Variants in CLASP2 observed in about 807,000 individuals in gnomAD.
CLASP2 encodes cytoplasmic linker associated protein 2, also known as CLIP-associating protein 2.
In CLASP2, 47 loss-of-function variants were observed where a neutral mutation model predicts 194.4. The observed-to-expected ratio is 0.24, with a 90% confidence interval of 0.19 to 0.31. The LOEUF is 0.31. Among genes scored for constraint, CLASP2 ranks in the 10% least tolerant of loss-of-function variants. The pLI is 1.00. For missense variants in CLASP2, 1,445 were observed against 1,823.6 expected (o/e 0.79, Z 3.78); for synonymous variants, 619 against 633.5 (o/e 0.98, Z 0.34).
rs1324926482 is a variant in CLASP2 at position 33,675,989 on chromosome 3, G to A, written c.644+8370C>T. Among the ~76,000 whole-genome samples, 37 of 151,208 alleles carry A rather than the reference G, an allele frequency of 2.4e-4. No homozygotes were observed. In the South Asian group the frequency reaches 5.7e-3, roughly 23 times the overall value. ...CTCATGGGTAGGAAGAATCAATATCGTGAAAATGGCCATACTGCCCAAGGT... is the reference window on the plus strand; with the variant it reads ...CTCATGGGTAGGAAGAATCAATATCATGAAAATGGCCATACTGCCCAAGGT... On this transcript the variant is annotated intron_variant, in intron 6 of 38. Coordinates refer to ENST00000682230, the MANE Select transcript of CLASP2 (RefSeq NM_001365631.1).
intron 1 of CLASP2, among the ~76,000 whole-genome samples, chr3:33,703,594 T>C (rs1393892858): frequency 1.3e-5 from 2 of 152,246 alleles, no homozygotes; most frequent in East Asian, 3.8e-4. Context: ...TGTTCCTTGG[T>C]ATTTAGCCAA....
intron 10 of CLASP2, among the ~76,000 whole-genome samples, chr3:33,626,490 G>A (rs959426738): frequency 3.3e-5 from 5 of 151,972 alleles, no homozygotes. Context: ...TAACTCAAGG[G>A]TATCTGACCT....
At chr3:33,639,093 T>C (rs964163910) in intron 8 of CLASP2, among the ~76,000 whole-genome samples, 1 of 152,190 alleles carries the variant, frequency 6.6e-6, no homozygotes. Flanking sequence ...AAGGTCTCGC[T>C]GTCACATGGG....
intron 13 of CLASP2, among the ~76,000 whole-genome samples, chr3:33,610,352 C>A (rs1474123691): frequency 6.6e-6 from 1 of 152,204 alleles, no homozygotes; most frequent in Non-Finnish European, 1.5e-5. Context: ...AGCCTTCAAC[C>A]ACCTTCTTTT....
intron 16 of CLASP2, among the ~76,000 whole-genome samples, chr3:33,606,257 G>A (rs530581822): frequency 1.2e-4 from 18 of 152,152 alleles, no homozygotes; most frequent in Admixed American, 7.9e-4. Context: ...GATAACTTCT[G>A]AATCTCCATT....
chr3:33,689,091 G>C (rs1392165487), intron 3 of CLASP2, among the ~76,000 whole-genome samples: 1 of 150,952 alleles, frequency 6.6e-6, no homozygotes, highest in African/African-American at 2.4e-5. Flanking sequence ...TCGGTACTCA[G>C]TATTCTTTCT....
intron 18 of CLASP2, among the ~76,000 whole-genome samples, chr3:33,602,028 T>G (rs1389342808): frequency 6.6e-6 from 1 of 151,808 alleles, no homozygotes; most frequent in African/African-American, 2.4e-5. Context: ...TTTTTTTTTT[T>G]TTTTTGACGG....
chr3:33,516,042 T>A lies in CLASP2; in HGVS notation c.4091A>T (p.His1364Leu). 1.2e-6 allele frequency: 2 copies of A among 1,611,046 alleles called. No homozygotes were observed. Among genetic ancestry groups the A allele is most frequent in the Non-Finnish European group, 1.7e-6 (2 of 1,178,674 alleles). The change falls in exon 36 of 39, where the codon CAT becomes CTT. Residue 1364 changes from histidine to leucine, a missense_variant. His to Leu is a moderately conservative substitution (Grantham distance 99, BLOSUM62 -3). This residue lies in a region of CLASP2 where 732 missense variants were observed against 987.9 expected (regional missense o/e 0.74). Transcript: ENST00000682230. Reference sequence around the variant, plus strand: ...ACTTACCTCCTTATGAGGATCTTTATGTGCTTCCAATGTTTTCATGACAGT... The same window carrying A: ...ACTTACCTCCTTATGAGGATCTTTAAGTGCTTCCAATGTTTTCATGACAGT... ...ELTVMKTLEA[H>L]KDPHKEVVRS...
chr3:33,715,751 T>C (rs2093262410), intron 1 of CLASP2, among the ~76,000 whole-genome samples: 1 of 148,948 alleles, frequency 6.7e-6, no homozygotes, highest in Admixed American at 6.9e-5. Context: ...TTTTGTTCAG[T>C]ATAAACTGAA....
chr3:33,548,290 TTTTTTA>T (rs900224108), intron 30 of CLASP2, among the ~76,000 whole-genome samples: 37 of 152,040 alleles, frequency 2.4e-4, no homozygotes, highest in Non-Finnish European at 4.1e-4. Flanking sequence ...TGTTTTATAA[TTTTTTA>T]TTTTTATTTT....
At chr3:33,675,500 G>T (rs531657412) in intron 6 of CLASP2, among the ~76,000 whole-genome samples, 4,125 of 148,358 alleles carry the variant, frequency 0.028, 189 homozygotes, top group African/African-American at 0.095. Context: ...GGCAAAAACT[G>T]GAAGCATTCC....
rs774899516 is a variant in CLASP2 at position 33,551,239 on chromosome 3, T to A, written c.3153+13A>T. ...TTCCCAATTTATCTTCTAAACCTCA[T>A]ATTAAAATATACCTTCCGAACATCA... On this transcript the variant is annotated intron_variant, in intron 30 of 38. Coordinates refer to ENST00000682230, the MANE Select transcript of CLASP2 (RefSeq NM_001365631.1). 31 of 1,603,620 alleles carry A rather than the reference T, an allele frequency of 1.9e-5. No individual in the cohort carries two copies. Among genetic ancestry groups the A allele is most frequent in the Non-Finnish European group, 2.6e-5 (31 of 1,174,258 alleles).
chr3:33,660,248 T>C (rs1348184900), intron 7 of CLASP2, among the ~76,000 whole-genome samples: 1 of 152,232 alleles, frequency 6.6e-6, no homozygotes, highest in Non-Finnish European at 1.5e-5. Flanking sequence ...GCAGGGGGTC[T>C]CCAACTTTCA....
intron 6 of CLASP2, among the ~76,000 whole-genome samples, chr3:33,666,074 A>G (rs2086121281): frequency 6.6e-6 from 1 of 152,226 alleles, no homozygotes; most frequent in Non-Finnish European, 1.5e-5. Context: ...GGAGGACAGA[A>G]TTAGAAAAGC....
intron 29 of CLASP2, among the ~76,000 whole-genome samples, chr3:33,552,831 T>C (rs746451514): frequency 6.6e-6 from 1 of 152,194 alleles, no homozygotes; most frequent in Non-Finnish European, 1.5e-5. Context: ...ATCTGCAACT[T>C]TGAATACTTT....
At chr3:33,630,365 A>T (rs1340800700) in intron 9 of CLASP2, among the ~76,000 whole-genome samples, 1 of 152,178 alleles carries the variant, frequency 6.6e-6, no homozygotes, top group Non-Finnish European at 1.5e-5. Context: ...AAACCTAGGC[A>T]GCACTGGAAT....
chr3:33,548,763 CTTTTTT>C (rs57112524), intron 30 of CLASP2, among the ~76,000 whole-genome samples: 25 of 93,146 alleles, frequency 2.7e-4, no homozygotes, highest in Non-Finnish European at 4.1e-4. Flanking sequence ...GGTTTCATTT[CTTTTTT>C]TTTTTTTTTT....
chr3:33,664,137 T>C (rs971606253), intron 6 of CLASP2, among the ~76,000 whole-genome samples: 3 of 152,116 alleles, frequency 2.0e-5, no homozygotes, highest in Non-Finnish European at 4.4e-5. Flanking sequence ...TAAAAGAAAA[T>C]TAGGAAATAT....
At chr3:33,681,408 A>G (rs548342012) in intron 6 of CLASP2, among the ~76,000 whole-genome samples, 44 of 152,296 alleles carry the variant, frequency 2.9e-4, no homozygotes, top group African/African-American at 9.9e-4. Context: ...ATATAATGAA[A>G]CACATCATAC....
Sources: gnomAD v4.1 joint callset for allele counts (sites outside exome capture counted in the v4.1 genomes callset) on GRCh38, gnomAD v4.1.1 for gene constraint, gnomAD v4.1.1 regional missense constraint, MANE v1.5 for transcripts, NCBI Gene and HGNC (gene_info 2026-07-23, HGNC 2026-07-21) for gene names.